NARF: variants seen among roughly 807,000 people sequenced by gnomAD.
NARF encodes nuclear prelamin A recognition factor.
A neutral mutation model predicts 48.0 loss-of-function variants in NARF; 41 were observed. That is an observed-to-expected ratio of 0.85 (90% confidence interval 0.66 to 1.11). The LOEUF (loss-of-function observed/expected upper bound fraction) is 1.11. Ranked by LOEUF, NARF falls within the 50% of genes least tolerant of loss-of-function variation. NARF has a pLI of 0.00. For synonymous variants in NARF, 215 were observed against 225.5 expected, an observed-to-expected ratio of 0.95 and a Z score of 0.42; for missense variants, 613 against 590.2, an observed-to-expected ratio of 1.04 and a Z score of -0.40.
At position 82,488,323 on chromosome 17, in the gene NARF, A is replaced by C; in HGVS notation, c.*166A>C. 1 of 1,108,898 alleles carries C rather than the reference A, an allele frequency of 9.0e-7. No homozygotes were observed. Among genetic ancestry groups the C allele is most frequent in the Non-Finnish European group, 1.2e-6 (1 of 803,576 alleles). 68.7% of individuals were successfully genotyped at this position (1,108,898 alleles called of 1,614,324 possible). A position where few individuals can be genotyped will look rare whatever the true frequency, so the allele number is the denominator to read the frequency against. On this transcript the variant is annotated 3_prime_UTR_variant, in exon 11 of 11. Transcript: ENST00000309794. ...CTACCCCGTTTATTGGAGGCCCCTC[A>C]GGCAGTTTCATGTGGTGCTATCTTC...
In NARF at chr17:82,483,704, G is replaced by T. The variant is rs377410724; in HGVS notation, c.770-12G>T. The stretch of plus-strand genomic sequence containing the variant: ...CTGTGTCTTTTCAGTGTCTTACTTC[G>T]TTTGTCTGCAGGTGAAATTGCTCAA... On this transcript the variant is annotated splice_polypyrimidine_tract_variant and intron_variant, in intron 7 of 10. Transcript: ENST00000309794. 6.2e-7 allele frequency: 1 copy of T among 1,613,742 alleles called. No individual in the cohort carries two copies. The highest frequency in any genetic ancestry group is 8.5e-7 in the Non-Finnish European group (1 of 1,179,790).
At chr17:82,480,291 A>G (rs778068052) in intron 6 of NARF, 4,376 of 226,058 alleles carry the variant, frequency 0.019, 25 homozygotes, top group Non-Finnish European at 0.03. Context: ...CAGCGCGCGC[A>G]CACACACACA....
upstream of NARF, chr17:82,458,472 G>T (rs567907686): frequency 2.3e-3 from 704 of 307,376 alleles, 8 homozygotes; most frequent in African/African-American, 0.012. Flanking sequence ...CCCACGAGAA[G>T]CGGAAACCGG....
At chr17:82,462,304 C>T (rs188051414) in intron 2 of NARF, among the ~76,000 whole-genome samples, 32 of 151,788 alleles carry the variant, frequency 2.1e-4, no homozygotes, top group African/African-American at 4.6e-4. Context: ...TGTGGACAGA[C>T]GTGCTCTAGG....
intron 2 of NARF, chr17:82,463,908 A>T (rs189982510): frequency 5.6e-6 from 1 of 179,640 alleles, no homozygotes; most frequent in East Asian, 1.6e-4. Context: ...GAGCTAGAGG[A>T]GCAGTCAGAG....
intron 4 of NARF, among the ~76,000 whole-genome samples, chr17:82,470,656 G>C (rs12600876): frequency 6.6e-6 from 1 of 151,320 alleles, no homozygotes; most frequent in African/African-American, 2.4e-5. Flanking sequence ...CACCACGCCC[G>C]GCTAATTTTT....
rs1387576900 is a variant in NARF, at chr17:82,482,873, A to G, written c.770-843A>G. The G allele has an allele frequency of 6.6e-6, 1 of 151,302 alleles. No homozygotes were observed. Among genetic ancestry groups the G allele is most frequent in the African/African-American group, 2.4e-5 (1 of 41,124 alleles). The allele number at this position is 151,302 out of a possible 1,614,324, so 9.4% of individuals were successfully genotyped here. ...AGTGGCTCCATCTTGGCTCACTACA[A>G]CCTCCGCGCCTCCTAGGATCAAGCG... On this transcript the variant is annotated intron_variant, in intron 7 of 10. Coordinates refer to ENST00000309794, the MANE Select transcript of NARF (RefSeq NM_012336.4).
In NARF at chr17:82,485,419, T is replaced by G. The variant is rs533003016; in HGVS notation, c.972-78T>G. ...CTGGGCAACAGAGCAAGACTCCGTC[T>G]CAAAAAAAAAAAGGAAGTGTTCTTA... On this transcript the variant is annotated intron_variant, in intron 9 of 10. Coordinates refer to ENST00000309794, the MANE Select transcript of NARF (RefSeq NM_012336.4). 32 of 1,247,190 alleles carry G rather than the reference T, an allele frequency of 2.6e-5. No individual in the cohort carries two copies. The East Asian group carries it at 8.8e-4, about 34-fold the overall frequency. 77.3% of individuals were successfully genotyped at this position (1,247,190 alleles called of 1,614,324 possible). A position where few individuals can be genotyped will look rare whatever the true frequency, so the allele number is the denominator to read the frequency against.
At chr17:82,485,735 G>A in intron 10 of NARF, 81 bp downstream of exon 10, 1 of 1,536,312 alleles carries the variant, frequency 6.5e-7, no homozygotes, top group East Asian at 2.3e-5. Context: ...CAGAGAGATG[G>A]TGCTCTTGGC....
rs1164521727 is a variant in NARF at position 82,488,173 on chromosome 17, T to C, written c.*16T>C. 5 of 1,609,078 alleles carry C rather than the reference T, an allele frequency of 3.1e-6. No homozygotes were observed. The highest frequency in any genetic ancestry group is 4.3e-6 in the Non-Finnish European group (5 of 1,176,416). On this transcript the variant is annotated 3_prime_UTR_variant, in exon 11 of 11. Transcript: ENST00000309794. ...CAAGTGGTGAAGTCAGGCCAGGGCC[T>C]TCCAGCTGCTCTTGGGGCCAGAGCC... is the stretch of plus-strand genomic sequence containing the variant.
At chr17:82,481,265 G>A in intron 7 of NARF, 54 bp downstream of exon 7, 1 of 1,604,820 alleles carries the variant, frequency 6.2e-7, no homozygotes, top group Non-Finnish European at 8.5e-7. Flanking sequence ...CTACTGGCCA[G>A]TACACACCAG....
chr17:82,459,204 C>A, intron 1 of NARF: 1 of 1,038,738 alleles, frequency 9.6e-7, no homozygotes, highest in Non-Finnish European at 1.2e-6. Flanking sequence ...CTCTGAGGGT[C>A]ACCGAGCAGC....
chr17:82,479,019 GCCCC>G lies in NARF; in HGVS notation c.639+104_639+107del, dbSNP rs1369004258. ...TCCCCATCTGTCCAGCGTGGTCACG[GCCCC>G]CCAGGTGAGCAAAAAGGAAGCTGTG... On this transcript the variant is annotated intron_variant, in intron 6 of 10. Transcript: ENST00000309794. 1.4e-5 allele frequency: 15 copies of G among 1,108,024 alleles called. No homozygotes were observed. In the African/African-American group the frequency reaches 2.4e-4, roughly 17 times the overall value. 68.6% of individuals were successfully genotyped at this position (1,108,024 alleles called of 1,614,324 possible).
At position 82,490,152 on chromosome 17, in the gene NARF, AAGC is replaced by A. The variant is rs1252517231; in HGVS notation, c.*1998_*2000del. ...AAAAAATTTTTTTTTAAAAAGGAGA[AAGC>A]AGTTTAACCACAAACAGTGAAACAG... is the stretch of plus-strand genomic sequence containing the variant. On this transcript the variant is annotated 3_prime_UTR_variant, in exon 11 of 11. Coordinates refer to ENST00000309794, the MANE Select transcript of NARF (RefSeq NM_012336.4). 6.6e-6 allele frequency: 1 copy of A among 152,248 alleles called. No homozygotes were observed. The allele number at this position is 152,248 out of a possible 1,614,324, so 9.4% of individuals were successfully genotyped here. A position where few individuals can be genotyped will look rare whatever the true frequency, so the allele number is the denominator to read the frequency against.
chr17:82,463,995 G>A (rs896750280), intron 2 of NARF: 5 of 315,968 alleles, frequency 1.6e-5, no homozygotes, highest in South Asian at 6.4e-5. Flanking sequence ...CCAGAACACA[G>A]GGGTCATTTA....
chr17:82,482,119 C>G (rs572884152), intron 7 of NARF: 1 of 288,090 alleles, frequency 3.5e-6, no homozygotes, highest in African/African-American at 2.3e-5. Context: ...AAAATTCTGG[C>G]GGAACTGTTT....
chr17:82,470,971 G>A (rs1289150275), intron 4 of NARF, among the ~76,000 whole-genome samples: 8 of 151,434 alleles, frequency 5.3e-5, no homozygotes, highest in African/African-American at 1.9e-4. Flanking sequence ...AGACCAGCCT[G>A]GCCCAACATG....
chr17:82,475,871 G>A (rs896519629), intron 5 of NARF, among the ~76,000 whole-genome samples: 3 of 152,108 alleles, frequency 2.0e-5, no homozygotes, highest in African/African-American at 7.2e-5. Context: ...ATCCCAGTAG[G>A]ACCTCTCATA....
chr17:82,481,732 A>C, intron 7 of NARF: 1 of 145,874 alleles, frequency 6.9e-6, no homozygotes, highest in Non-Finnish European at 1.3e-5. Context: ...CTTTGTCTCA[A>C]AAAAAAAAAA....
Sources: gnomAD v4.1 joint callset for allele counts (sites outside exome capture counted in the v4.1 genomes callset) on GRCh38, gnomAD v4.1.1 for gene constraint, MANE v1.5 for transcripts, NCBI Gene and HGNC (gene_info 2026-07-23, HGNC 2026-07-21) for gene names.